Variants in PROX1 observed in about 807,000 individuals in gnomAD.
PROX1 encodes prospero homeobox protein 1.
A neutral mutation model predicts 58.8 loss-of-function variants in PROX1; 7 were observed. The ratio of observed to expected loss-of-function variants is 0.12; its 90% confidence interval spans 0.07 to 0.22. PROX1 has a LOEUF of 0.22. PROX1 is among the 10% of genes least tolerant of loss of function. PROX1 has a pLI of 1.00. For missense variants in PROX1, 675 were observed against 927.8 expected, an observed-to-expected ratio of 0.73 and a Z score of 3.54; for synonymous variants, 350 against 358.3, an observed-to-expected ratio of 0.98 and a Z score of 0.26.
intron 1 of PROX1, among the ~76,000 whole-genome samples, chr1:213,989,016 C>A (rs975710594): frequency 1.3e-5 from 2 of 152,136 alleles, no homozygotes; most frequent in African/African-American, 4.8e-5. Context: ...GGGGCCGGTC[C>A]CCTTGTCCTT....
chr1:214,029,925 G>A (rs1432276286), intron 4 of PROX1: 3 of 152,562 alleles, frequency 2.0e-5, no homozygotes, highest in Non-Finnish European at 4.4e-5. Flanking sequence ...TTACCGCACA[G>A]TAGAACAGCC....
chr1:214,006,592 G>A (rs1365119974), intron 3 of PROX1, among the ~76,000 whole-genome samples: 1 of 152,124 alleles, frequency 6.6e-6, no homozygotes, highest in Admixed American at 6.5e-5. Flanking sequence ...AAGGGTTTGG[G>A]CTTTGTAGAG....
chr1:213,993,526 G>T (rs1195806798), intron 1 of PROX1, among the ~76,000 whole-genome samples: 1 of 152,084 alleles, frequency 6.6e-6, no homozygotes, highest in Non-Finnish European at 1.5e-5. Flanking sequence ...TTTATATTAT[G>T]GTAACGTAAC....
chr1:214,031,851 G>C (rs754837340), intron 4 of PROX1, among the ~76,000 whole-genome samples: 7 of 152,128 alleles, frequency 4.6e-5, no homozygotes, highest in Admixed American at 6.5e-5. Flanking sequence ...TCTATGTGTG[G>C]ATGAAATTCA....
chr1:213,986,571 C>A (rs1662830859), upstream of PROX1, among the ~76,000 whole-genome samples: 1 of 152,102 alleles, frequency 6.6e-6, no homozygotes, highest in Non-Finnish European at 1.5e-5. Context: ...TTGTAACACA[C>A]CTCATAAATA....
intron 1 of PROX1, 99 bp from the exon 2 acceptor site, chr1:213,996,370 C>T: frequency 1.4e-6 from 1 of 717,294 alleles, no homozygotes. Context: ...CCATAAATCC[C>T]AGAGCCTATG....
At chr1:214,020,002 C>G (rs1016026954) in intron 4 of PROX1, among the ~76,000 whole-genome samples, 11 of 152,172 alleles carry the variant, frequency 7.2e-5, no homozygotes, top group African/African-American at 2.7e-4. Flanking sequence ...ACCCTTGAAT[C>G]CTTCCCCACT....
At chr1:214,030,525 G>T (rs1001858248) in intron 4 of PROX1, 1 of 152,166 alleles carries the variant, frequency 6.6e-6, no homozygotes, top group East Asian at 1.9e-4. Context: ...AATGAGGCCA[G>T]AGGGCCAATT....
chr1:214,007,908 G>A (rs4655480), intron 3 of PROX1, among the ~76,000 whole-genome samples: 41,739 of 152,086 alleles, frequency 0.27, 5,951 homozygotes, highest in Admixed American at 0.39. Flanking sequence ...TCATTTATCT[G>A]GAACAAGATA....
chr1:214,015,283 GA>G (rs1664055112), intron 4 of PROX1, among the ~76,000 whole-genome samples: 1 of 152,174 alleles, frequency 6.6e-6, no homozygotes, highest in Non-Finnish European at 1.5e-5. Context: ...GCACGCAGGA[GA>G]GGGGTGTGTA....
At chr1:213,987,124 G>T (rs1023974233), upstream of PROX1, among the ~76,000 whole-genome samples, 1 of 152,158 alleles carries the variant, frequency 6.6e-6, no homozygotes, top group African/African-American at 2.4e-5. Flanking sequence ...TATTTTTAAA[G>T]GCTGCTTTAC....
intron 2 of PROX1, among the ~76,000 whole-genome samples, chr1:214,002,389 CTTTTCTTTTTTTTTTCTT>C (rs924073531): frequency 1.5e-5 from 2 of 137,322 alleles, no homozygotes; most frequent in East Asian, 2.2e-4. Context: ...GATTTATCAT[CTTTTCTTTTTTTTTTCTT>C]TTTTCTTTTT....
intron 4 of PROX1, among the ~76,000 whole-genome samples, chr1:214,025,907 C>A (rs1338242858): frequency 6.6e-6 from 1 of 152,130 alleles, no homozygotes; most frequent in Non-Finnish European, 1.5e-5. Flanking sequence ...CATGATTCAC[C>A]CGCCTCAGCC....
chr1:213,990,222 C>T (rs562794516), intron 1 of PROX1, among the ~76,000 whole-genome samples: 5 of 151,114 alleles, frequency 3.3e-5, no homozygotes, highest in South Asian at 2.1e-4. Flanking sequence ...TAGCAGAGTG[C>T]GCATGGGCAG....
At position 213,997,009 on chromosome 1, in the gene PROX1, T is replaced by C. The variant is rs558939687; in HGVS notation, c.474T>C (p.Cys158=). The part of the protein sequence containing the change: ...TMSQFDMDRL[C]DEHLRAKRAR... ...GCCAGTTTGATATGGATCGCTTATG[T>C]GATGAGCACCTGAGAGCAAAGCGCG... The change falls in exon 2 of 5, where the codon TGT becomes TGC. Residue 158 remains cysteine, a synonymous_variant. Coordinates refer to ENST00000366958, the MANE Select transcript of PROX1 (RefSeq NM_001270616.2). The surrounding 1 kb of genome is among the most constrained non-coding windows in gnomAD (Gnocchi z 7.1). 3.0e-5 allele frequency: 49 copies of C among 1,613,982 alleles called. 1 individual carries two copies. In the South Asian group the frequency reaches 5.2e-4, roughly 17 times the overall value.
upstream of PROX1, chr1:213,987,457 G>C (rs1014481323): frequency 9.2e-6 from 1 of 109,036 alleles, no homozygotes; most frequent in South Asian, 3.1e-4. Flanking sequence ...TTTTTCTCCC[G>C]TATACTTTTC....
rs79562569 is a variant in PROX1 at position 214,024,733 on chromosome 1, A to T, written c.2029-10916A>T. Among the ~76,000 whole-genome samples, 7 of 152,170 alleles carry T rather than the reference A, an allele frequency of 4.6e-5. No individual in the cohort carries two copies. In the East Asian group the frequency reaches 1.3e-3, roughly 29 times the overall value. On this transcript the variant is annotated intron_variant, in intron 4 of 4. Transcript: ENST00000366958. ...CTGTGGCAGAAAACAATCACGTAAT[A>T]CATTCTCGAACGAAACAGGAGTAAC...
Position 214,007,619 on chromosome 1 carries a change from T to C in PROX1, c.1833+2347T>C, listed in dbSNP as rs576313730. Among the ~76,000 whole-genome samples, 8 of 152,272 alleles carry C rather than the reference T, an allele frequency of 5.3e-5. No individual in the cohort carries two copies. In the East Asian group the frequency reaches 1.4e-3, roughly 26 times the overall value. Reference sequence around the variant, plus strand: ...GCAGAGCATTCTGGGATTTCTTCAATATTAAGGATAATCACAGATGTGAAT... The same window carrying C: ...GCAGAGCATTCTGGGATTTCTTCAACATTAAGGATAATCACAGATGTGAAT... On this transcript the variant is annotated intron_variant, in intron 3 of 4. Transcript: ENST00000366958.
At chr1:214,022,411 G>A (rs1012108723) in intron 4 of PROX1, among the ~76,000 whole-genome samples, 4 of 152,338 alleles carry the variant, frequency 2.6e-5, no homozygotes, top group African/African-American at 9.6e-5. Flanking sequence ...GACATCTGTG[G>A]TCCAATTATT....
Sources: allele counts gnomAD v4.1 joint callset (sites outside exome capture counted in the v4.1 genomes callset), GRCh38; gene constraint gnomAD v4.1.1; non-coding constraint Gnocchi (gnomAD v3.1); transcripts MANE v1.5; gene names NCBI Gene and HGNC (gene_info 2026-07-23, HGNC 2026-07-21).